Variants in MTCL1 observed in about 807,000 individuals in gnomAD.
MTCL1 encodes the protein microtubule crosslinking factor 1.
In MTCL1, 79 loss-of-function variants were observed where a neutral mutation model predicts 141.4. The observed-to-expected ratio is 0.56, with a 90% CI of 0.47 to 0.67. MTCL1 has a LOEUF of 0.67. Among genes scored for constraint, MTCL1 ranks in the 30% least tolerant of loss-of-function variants. The pLI is 0.00. For missense variants in MTCL1, 2,177 were observed against 2,113.9 expected (o/e 1.03, Z -0.59); for synonymous variants, 914 against 875.8 (o/e 1.04, Z -0.77).
At chr18:8,825,215 C>T (rs1222490839) in exon 15 of MTCL1, 21 of 1,595,698 alleles carry the variant, frequency 1.3e-5, no homozygotes, top group Admixed American at 3.4e-5. Flanking sequence ...AACCCATGCT[C>T]AGCAGGTGGC....
chr18:8,765,541 C>T (rs1220040968), intron 4 of MTCL1, among the ~76,000 whole-genome samples: 1 of 152,184 alleles, frequency 6.6e-6, no homozygotes. Context: ...TCCATCTTCT[C>T]CTGGGTTAGT....
chr18:8,769,908 A>G lies in MTCL1; in HGVS notation c.358-7925A>G, dbSNP rs189411543. 4.0e-3 allele frequency among the ~76,000 whole-genome samples: 610 copies of G among 152,372 alleles called. 3 individuals carry two copies. The highest frequency in any genetic ancestry group is 0.011 in the South Asian group (54 of 4,834). On this transcript the variant is annotated intron_variant, in intron 4 of 16. Coordinates refer to ENST00000359865, the Ensembl canonical transcript of MTCL1. ...GCTGTCTGCAGCCTCAGATCCTTTGAGAAATCATCAGTGCCAACAAATATT... is the reference window on the plus strand; with the variant it reads ...GCTGTCTGCAGCCTCAGATCCTTTGGGAAATCATCAGTGCCAACAAATATT...
exon 1 of MTCL1, chr18:8,706,278 G>A (rs2096058256): frequency 2.4e-6 from 3 of 1,229,136 alleles, no homozygotes; most frequent in Admixed American, 4.3e-5. Flanking sequence ...TCAGCCACAC[G>A]GACAGCAGCT....
At chr18:8,753,571 C>T (rs1411191816) in intron 4 of MTCL1, among the ~76,000 whole-genome samples, 1 of 152,190 alleles carries the variant, frequency 6.6e-6, no homozygotes, top group African/African-American at 2.4e-5. Context: ...TGCCCTGACT[C>T]CCTGGTCCTT....
rs145992655 is a variant in MTCL1, at chr18:8,733,467, G to A, written c.357+12971G>A. On this transcript the variant is annotated intron_variant, in intron 4 of 16. Coordinates refer to ENST00000359865, the Ensembl canonical transcript of MTCL1. ...GTCGCTCAGGCTGGAGTGAAGTGGC[G>A]TGATCTTGCCTCACTGCAACCTTTG... 7.6e-3 allele frequency among the ~76,000 whole-genome samples: 1,150 copies of A among 152,198 alleles called. 16 individuals are homozygous for A. The highest frequency in any genetic ancestry group is 0.027 in the African/African-American group (1,103 of 41,510).
chr18:8,714,855 G>A (rs1265106803), upstream of MTCL1, among the ~76,000 whole-genome samples: 1 of 151,812 alleles, frequency 6.6e-6, no homozygotes, highest in Non-Finnish European at 1.5e-5. Context: ...GGAGTGCAGT[G>A]GCGCGATTTC....
intron 4 of MTCL1, among the ~76,000 whole-genome samples, chr18:8,772,707 A>G (rs2096489881): frequency 6.6e-6 from 1 of 151,744 alleles, no homozygotes; most frequent in Non-Finnish European, 1.5e-5. Context: ...AATATATTTT[A>G]AGCATTTTGA....
At chr18:8,809,141 T>C (rs2076396731) in intron 11 of MTCL1, among the ~76,000 whole-genome samples, 1 of 152,198 alleles carries the variant, frequency 6.6e-6, no homozygotes, top group Non-Finnish European at 1.5e-5. Flanking sequence ...CCTGATTTTA[T>C]CATGAAAGTT....
chr18:8,813,892 C>G (rs912219254), intron 12 of MTCL1, among the ~76,000 whole-genome samples: 30 of 152,276 alleles, frequency 2.0e-4, no homozygotes, highest in African/African-American at 6.7e-4. Flanking sequence ...AGACTTAGAA[C>G]AGTTTGCATA....
intron 4 of MTCL1, among the ~76,000 whole-genome samples, chr18:8,755,645 C>A (rs2096393642): frequency 6.6e-6 from 1 of 152,194 alleles, no homozygotes; most frequent in African/African-American, 2.4e-5. Flanking sequence ...TGTGGCAGAT[C>A]ATGACTATTT....
intron 1 of MTCL1, among the ~76,000 whole-genome samples, chr18:8,708,182 C>A (rs1263151907): frequency 6.6e-6 from 1 of 152,118 alleles, no homozygotes; most frequent in Non-Finnish European, 1.5e-5. Flanking sequence ...GTTTTTGTAT[C>A]CCTGGCTCTT....
rs769555211 is a variant in MTCL1 at position 8,807,095 on chromosome 18, G to C, written c.2604+35G>C. On this transcript the variant is annotated intron_variant, in intron 11 of 16. Transcript: ENST00000359865. ...TCCCAGGTCTCCCTCGATCCTGACT[G>C]TGTGTCTCTGCTGTCCAGGATATGT... 2.5e-6 allele frequency: 4 copies of C among 1,591,328 alleles called. No individual in the cohort carries two copies. The East Asian group carries it at 6.8e-5, about 27-fold the overall frequency.
intron 12 of MTCL1, among the ~76,000 whole-genome samples, chr18:8,815,300 G>T (rs7229567): frequency 0.65 from 97,509 of 150,740 alleles, 31,888 homozygotes; most frequent in Non-Finnish European, 0.68. Flanking sequence ...CCATAAAAAA[G>T]GATGAGTTCA....
chr18:8,731,246 A>G (rs1294350685), intron 4 of MTCL1, among the ~76,000 whole-genome samples: 1 of 151,898 alleles, frequency 6.6e-6, no homozygotes, highest in East Asian at 1.9e-4. Context: ...CTCCATCTCA[A>G]AAAAAGATAA....
At chr18:8,744,570 T>C (rs182871494) in intron 4 of MTCL1, among the ~76,000 whole-genome samples, 74 of 152,314 alleles carry the variant, frequency 4.9e-4, no homozygotes, top group Middle Eastern at 6.8e-3. Context: ...CTACGTCCCA[T>C]ATTTTTTTAT....
exon 6 of MTCL1, chr18:8,784,327 G>A (rs775064612): frequency 2.6e-5 from 40 of 1,554,526 alleles, no homozygotes; most frequent in Non-Finnish European, 3.3e-5. Flanking sequence ...GCCTGCCCCA[G>A]CCCAAGCGGG....
chr18:8,741,929 G>A (rs1174359856), intron 4 of MTCL1, among the ~76,000 whole-genome samples: 1 of 152,112 alleles, frequency 6.6e-6, no homozygotes, highest in Non-Finnish European at 1.5e-5. Context: ...AGGAAGAGTG[G>A]GTCTGAGGGG....
chr18:8,818,285 A>G (rs138727569), intron 12 of MTCL1, among the ~76,000 whole-genome samples: 1 of 120,482 alleles, frequency 8.3e-6, no homozygotes, highest in Admixed American at 8.1e-5. Context: ...GTGCTTGCCC[A>G]CTACCGCTTC....
chr18:8,784,219 C>T (rs763335454), exon 6 of MTCL1: 17 of 1,611,140 alleles, frequency 1.1e-5, no homozygotes, highest in Middle Eastern at 3.3e-4. Context: ...TCCAGCGCTG[C>T]GACCTGGCAG....
Sources: gnomAD v4.1 joint callset for allele counts (sites outside exome capture counted in the v4.1 genomes callset) on GRCh38, gnomAD v4.1.1 for gene constraint, MANE v1.5 for transcripts, NCBI Gene and HGNC (gene_info 2026-07-23, HGNC 2026-07-21) for gene names.